Variants in FER observed in about 807,000 individuals in gnomAD.
FER encodes tyrosine-protein kinase Fer.
FER carries 63 observed loss-of-function variants against 111.0 expected under a neutral mutation model. That is an observed-to-expected ratio of 0.57 (90% CI 0.46 to 0.70). FER has a LOEUF of 0.70. Ranked by LOEUF, FER falls within the 30% of genes least tolerant of loss-of-function variation. FER has a pLI of 0.00. For missense variants in FER, 914 were observed against 954.0 expected, an observed-to-expected ratio of 0.96 and a Z score of 0.55; for synonymous variants, 327 against 313.9, an observed-to-expected ratio of 1.04 and a Z score of -0.44.
intron 16 of FER, among the ~76,000 whole-genome samples, chr5:109,065,289 T>A (rs913624531): frequency 6.6e-6 from 1 of 152,202 alleles, no homozygotes; most frequent in Non-Finnish European, 1.5e-5. Flanking sequence ...AAAAAAACAT[T>A]TATTGAATCC....
chr5:109,058,975 G>A (rs562286323), intron 16 of FER, among the ~76,000 whole-genome samples: 1 of 151,254 alleles, frequency 6.6e-6, no homozygotes, highest in South Asian at 2.1e-4. Context: ...CCTGACCTCA[G>A]GTAATACACC....
intron 1 of FER, among the ~76,000 whole-genome samples, chr5:108,766,542 T>C (rs1211389076): frequency 6.6e-6 from 1 of 152,234 alleles, no homozygotes; most frequent in Non-Finnish European, 1.5e-5. Context: ...CTTTAGGAGC[T>C]TTGCTATATC....
At chr5:108,904,929 C>T in intron 10 of FER, among the ~76,000 whole-genome samples, 1 of 152,162 alleles carries the variant, frequency 6.6e-6, no homozygotes, top group Non-Finnish European at 1.5e-5. Context: ...TTAAATTCTT[C>T]TATGGCTCTG....
chr5:109,090,501 C>T (rs929405311), intron 16 of FER, among the ~76,000 whole-genome samples: 1 of 151,860 alleles, frequency 6.6e-6, no homozygotes, highest in Admixed American at 6.6e-5. Flanking sequence ...AGGCCAACCC[C>T]CAAAGAAACA....
chr5:108,824,201 A>T (rs983093872), intron 3 of FER, among the ~76,000 whole-genome samples: 2 of 152,116 alleles, frequency 1.3e-5, no homozygotes, highest in African/African-American at 4.8e-5. Flanking sequence ...TATAGTTTGG[A>T]AAAAGGAAGT....
intron 15 of FER, among the ~76,000 whole-genome samples, chr5:109,045,470 A>C (rs1202491768): frequency 6.6e-6 from 1 of 152,166 alleles, no homozygotes; most frequent in Non-Finnish European, 1.5e-5. Flanking sequence ...AAGATAATAA[A>C]GAATAAGATT....
intron 8 of FER, among the ~76,000 whole-genome samples, chr5:108,877,167 G>A (rs1204437382): frequency 6.6e-6 from 1 of 152,064 alleles, no homozygotes; most frequent in Non-Finnish European, 1.5e-5. Context: ...CTTGCATAGA[G>A]CCTTGCTTTT....
chr5:109,120,048 G>A (rs1278425954), intron 17 of FER, among the ~76,000 whole-genome samples: 2 of 151,976 alleles, frequency 1.3e-5, no homozygotes, highest in Admixed American at 6.6e-5. Flanking sequence ...AGGATAGTTA[G>A]CAAGTATTTT....
chr5:109,052,348 A>G (rs768455663), intron 16 of FER: 19 of 1,591,938 alleles, frequency 1.2e-5, no homozygotes, highest in Non-Finnish European at 1.6e-5. Flanking sequence ...CACTGTCTTC[A>G]GCAGCAGGAT....
At chr5:108,864,715 A>G (rs952795979) in intron 5 of FER, among the ~76,000 whole-genome samples, 5 of 152,120 alleles carry the variant, frequency 3.3e-5, no homozygotes, top group Non-Finnish European at 4.4e-5. Context: ...CCATTGGTCT[A>G]TATCTCTGTT....
chr5:109,152,824 A>G (rs181462055), intron 17 of FER, among the ~76,000 whole-genome samples: 2 of 152,068 alleles, frequency 1.3e-5, no homozygotes, highest in Admixed American at 1.3e-4. Flanking sequence ...TGCACTACCT[A>G]TCTTATTACC....
intron 13 of FER, among the ~76,000 whole-genome samples, chr5:108,967,759 C>CAAAAAAAAAAAAAAAAAAAAAAAA (rs774855414): frequency 1.5e-4 from 5 of 34,472 alleles, no homozygotes; most frequent in South Asian, 1.2e-3. Flanking sequence ...GACTCCGTCT[C>CAAAAAAAAAAAAAAAAAAAAAAAA]AAAAAAAAAA....
At chr5:109,008,071 G>A (rs888116588) in intron 13 of FER, among the ~76,000 whole-genome samples, 1 of 152,082 alleles carries the variant, frequency 6.6e-6, no homozygotes, top group Non-Finnish European at 1.5e-5. Context: ...TGATCTGTAT[G>A]TCTTCTTTGT....
chr5:109,060,783 T>TAA, intron 16 of FER, among the ~76,000 whole-genome samples: 1 of 147,996 alleles, frequency 6.8e-6, no homozygotes, highest in African/African-American at 2.5e-5. Flanking sequence ...TATATATATA[T>TAA]ATATACACAC....
intron 10 of FER, among the ~76,000 whole-genome samples, chr5:108,906,002 G>C (rs1294324731): frequency 6.6e-6 from 1 of 152,148 alleles, no homozygotes; most frequent in Non-Finnish European, 1.5e-5. Context: ...GAGAGCCCCA[G>C]CTATAGAGCC....
chr5:108,849,961 G>A (rs1381334990), intron 5 of FER, among the ~76,000 whole-genome samples: 1 of 152,162 alleles, frequency 6.6e-6, no homozygotes, highest in Non-Finnish European at 1.5e-5. Flanking sequence ...GGAGGCCAAG[G>A]CGGGTGGATC....
intron 10 of FER, among the ~76,000 whole-genome samples, chr5:108,903,000 T>C (rs1007699753): frequency 1.3e-5 from 2 of 152,050 alleles, no homozygotes; most frequent in Admixed American, 1.3e-4. Flanking sequence ...AATTAGTATA[T>C]GCTGAATTAA....
intron 17 of FER, among the ~76,000 whole-genome samples, chr5:109,158,049 A>C (rs536165078): frequency 6.8e-6 from 1 of 147,674 alleles, no homozygotes; most frequent in East Asian, 2.0e-4. Flanking sequence ...GAGCTAAGTT[A>C]AAAGAAAAAA....
At chr5:109,104,272 T>C (rs1270270186) in intron 17 of FER, among the ~76,000 whole-genome samples, 1 of 152,212 alleles carries the variant, frequency 6.6e-6, no homozygotes, top group Non-Finnish European at 1.5e-5. Flanking sequence ...ACATTGATAT[T>C]TCCAGTGTTT....
Sources: allele counts gnomAD v4.1 joint callset (sites outside exome capture counted in the v4.1 genomes callset), GRCh38; gene constraint gnomAD v4.1.1; transcripts MANE v1.5; gene names NCBI Gene and HGNC (gene_info 2026-07-23, HGNC 2026-07-21).